MSI2: variants seen among roughly 807,000 people sequenced by gnomAD.
MSI2 encodes RNA-binding protein Musashi homolog 2.
Under a neutral mutation model 45.6 loss-of-function variants are expected in MSI2, and 17 were observed. That is an observed-to-expected ratio of 0.37 (90% CI 0.26 to 0.56). MSI2 has a LOEUF of 0.56. Among genes scored for constraint, MSI2 ranks in the 20% least tolerant of loss-of-function variants. MSI2 has a pLI of 0.77. For synonymous variants in MSI2, 156 were observed against 158.2 expected, an observed-to-expected ratio of 0.99 and a Z score of 0.11; for missense variants, 293 against 444.2, an observed-to-expected ratio of 0.66 and a Z score of 3.06.
chr17:57,661,569 G>T (rs977319064), intron 11 of MSI2, among the ~76,000 whole-genome samples: 3 of 152,004 alleles, frequency 2.0e-5, no homozygotes, highest in Non-Finnish European at 4.4e-5. Flanking sequence ...CCTAATCCTG[G>T]GGTCTGGGGC....
intron 7 of MSI2, among the ~76,000 whole-genome samples, chr17:57,575,211 A>C (rs1598414171): frequency 8.6e-6 from 1 of 116,560 alleles, no homozygotes; most frequent in Non-Finnish European, 1.6e-5. Flanking sequence ...TCCCCTCCAC[A>C]AGCAGCCCAT....
At chr17:57,313,676 C>T (rs1290292581) in intron 5 of MSI2, among the ~76,000 whole-genome samples, 2 of 152,242 alleles carry the variant, frequency 1.3e-5, no homozygotes, top group African/African-American at 4.8e-5. Context: ...TGAGAAGTTA[C>T]TGCTTGCAAG....
chr17:57,653,492 C>CG (rs1567961421), intron 11 of MSI2, among the ~76,000 whole-genome samples: 1 of 152,120 alleles, frequency 6.6e-6, no homozygotes, highest in Non-Finnish European at 1.5e-5. Context: ...CCCCCAGCCC[C>CG]GGGCCCCGGG....
chr17:57,352,487 G>C (rs1325733042), intron 5 of MSI2, among the ~76,000 whole-genome samples: 1 of 152,222 alleles, frequency 6.6e-6, no homozygotes, highest in East Asian at 1.9e-4. Context: ...GAGCTCCCAG[G>C]TGAAGGAGGG....
rs147280192 is a variant in MSI2 at position 57,504,115 on chromosome 17, C to T, written c.406-25561C>T. 4.9e-3 allele frequency among the ~76,000 whole-genome samples: 746 copies of T among 152,290 alleles called. 3 individuals are homozygous for T. Among genetic ancestry groups the T allele is most frequent in the Middle Eastern group, 0.02 (6 of 294 alleles). ...TCAAATTCCCCAGACTTTGGTTTCT[C>T]CTCCACGGATCCTCCTCCTTCATGA... On this transcript the variant is annotated intron_variant, in intron 6 of 13. Coordinates refer to ENST00000284073, the MANE Select transcript of MSI2 (RefSeq NM_138962.4).
rs552075769 is a variant in MSI2, at chr17:57,539,459, A to G, written c.454+9735A>G. Among the ~76,000 whole-genome samples the G allele has an allele frequency of 6.8e-3, 1,022 of 151,156 alleles. 12 individuals carry two copies. The highest frequency in any genetic ancestry group is 0.024 in the African/African-American group (965 of 41,026). On this transcript the variant is annotated intron_variant, in intron 7 of 13. Transcript: ENST00000284073. ...GTAATCCCAGCACTTTCGGAGGCCA[A>G]GGTGGGCAGATCACTTGAGGTCAGG...
intron 7 of MSI2, among the ~76,000 whole-genome samples, chr17:57,569,313 G>A (rs919831673): frequency 6.6e-6 from 1 of 152,224 alleles, no homozygotes; most frequent in African/African-American, 2.4e-5. Context: ...TTGCTGCCAG[G>A]TGTTTGCTCC....
chr17:57,520,026 C>T (rs981835458), intron 6 of MSI2, among the ~76,000 whole-genome samples: 3 of 151,750 alleles, frequency 2.0e-5, no homozygotes, highest in Admixed American at 6.6e-5. Context: ...GACCCCATCC[C>T]TACAAAAAAT....
In MSI2 at chr17:57,295,768, T is replaced by G. The variant is rs868814695; in HGVS notation, c.312+33576T>G. Among the ~76,000 whole-genome samples the G allele has an allele frequency of 2.0e-5, 3 of 152,212 alleles. No individual in the cohort carries two copies. In the South Asian group the frequency reaches 6.2e-4, roughly 31 times the overall value. On this transcript the variant is annotated intron_variant, in intron 5 of 13. Transcript: ENST00000284073. ...AAGTGGATTTTATAGCTAAAGTATT[T>G]GTTCTTGCTTTAAAATGCCAAAACA... is the stretch of plus-strand genomic sequence containing the variant.
At chr17:57,564,784 C>T (rs1712368443) in intron 7 of MSI2, among the ~76,000 whole-genome samples, 1 of 152,196 alleles carries the variant, frequency 6.6e-6, no homozygotes, top group Admixed American at 6.5e-5. Context: ...ATGATGCGAG[C>T]ACACAGTAGG....
intron 5 of MSI2, among the ~76,000 whole-genome samples, chr17:57,331,680 A>G (rs1914289726): frequency 6.6e-6 from 1 of 152,194 alleles, no homozygotes; most frequent in South Asian, 2.1e-4. Context: ...GGTGCTTGGC[A>G]TGTAACCTTC....
At chr17:57,348,873 C>T (rs892600290) in intron 5 of MSI2, among the ~76,000 whole-genome samples, 12 of 152,298 alleles carry the variant, frequency 7.9e-5, no homozygotes, top group African/African-American at 2.9e-4. Flanking sequence ...GTTCTGGCTT[C>T]TTAGCTTTCT....
intron 7 of MSI2, among the ~76,000 whole-genome samples, chr17:57,592,388 G>A (rs1490641009): frequency 1.3e-5 from 2 of 152,070 alleles, no homozygotes; most frequent in Non-Finnish European, 2.9e-5. Context: ...CATTGTAAAT[G>A]CTAATGCATC....
intron 10 of MSI2, chr17:57,628,310 G>A (rs959202369): frequency 6.6e-6 from 1 of 152,308 alleles, no homozygotes; most frequent in African/African-American, 2.4e-5. Context: ...CAAAGGGAGT[G>A]AAGACGCGTC....
At chr17:57,463,990 C>T (rs1462205565) in intron 6 of MSI2, among the ~76,000 whole-genome samples, 1 of 146,294 alleles carries the variant, frequency 6.8e-6, no homozygotes, top group South Asian at 2.2e-4. Flanking sequence ...GTTTAATGAA[C>T]GTGTGTGTGT....
At chr17:57,675,448 CTCTA>C in intron 12 of MSI2, among the ~76,000 whole-genome samples, 1 of 152,360 alleles carries the variant, frequency 6.6e-6, no homozygotes, top group South Asian at 2.1e-4. Context: ...AAACCAGAAT[CTCTA>C]TGCTTTCCTC....
intron 5 of MSI2, among the ~76,000 whole-genome samples, chr17:57,350,951 G>C (rs1314690561): frequency 2.0e-5 from 3 of 152,094 alleles, no homozygotes; most frequent in Non-Finnish European, 2.9e-5. Context: ...GCTCCTCAGG[G>C]TTATCAGCAA....
intron 5 of MSI2, among the ~76,000 whole-genome samples, chr17:57,368,692 A>T (rs2083376638): frequency 6.6e-6 from 1 of 152,230 alleles, no homozygotes; most frequent in South Asian, 2.1e-4. Context: ...GATTTTCAGA[A>T]CCGCAGAATT....
At chr17:57,366,297 G>A (rs1178253432) in intron 5 of MSI2, among the ~76,000 whole-genome samples, 1 of 152,188 alleles carries the variant, frequency 6.6e-6, no homozygotes, top group Non-Finnish European at 1.5e-5. Flanking sequence ...CGAGACCACC[G>A]GTGGGGTGGG....
Sources: gnomAD v4.1 joint callset for allele counts (sites outside exome capture counted in the v4.1 genomes callset) on GRCh38, gnomAD v4.1.1 for gene constraint, MANE v1.5 for transcripts, NCBI Gene and HGNC (gene_info 2026-07-23, HGNC 2026-07-21) for gene names.